The following ARHGEF37 variants were observed in gnomAD, a reference collection of about 807,000 sequenced individuals.
The protein encoded by ARHGEF37 is Rho guanine nucleotide exchange factor (GEF) 37.
A neutral mutation model predicts 71.1 loss-of-function variants in ARHGEF37; 55 were observed. The observed-to-expected ratio is 0.77, with a 90% CI of 0.62 to 0.97. The LOEUF is 0.97. Ranked by LOEUF, ARHGEF37 falls within the 50% of genes least tolerant of loss-of-function variation. ARHGEF37 has a pLI of 0.00. For missense variants in ARHGEF37, 765 were observed against 836.8 expected, an observed-to-expected ratio of 0.91 and a Z score of 1.06; for synonymous variants, 327 against 350.6, an observed-to-expected ratio of 0.93 and a Z score of 0.75.
At position 149,632,253 on chromosome 5, in the gene ARHGEF37, G is replaced by T; in HGVS notation, c.*62G>T. 2 of 1,566,102 alleles carry T rather than the reference G, an allele frequency of 1.3e-6. No homozygotes were observed. The highest frequency in any genetic ancestry group is 1.4e-5 in the African/African-American group (1 of 73,666). On this transcript the variant is annotated 3_prime_UTR_variant, in exon 13 of 13. Coordinates refer to ENST00000333677, the MANE Select transcript of ARHGEF37 (RefSeq NM_001001669.3). ...GGGAGGCTTAGAGGCTCTGACCCTG[G>T]GGGGAAAAGAAGCAAAGGAAAGGTG...
chr5:149,567,790 C>T (rs368113263), intron 1 of ARHGEF37, among the ~76,000 whole-genome samples: 8 of 152,222 alleles, frequency 5.3e-5, no homozygotes, highest in African/African-American at 1.9e-4. Context: ...TTGTTTCAGG[C>T]CCTTCTTGTA....
At chr5:149,609,775 A>G (rs1391215670) in intron 4 of ARHGEF37, 80 bp downstream of exon 4, 4 of 1,574,446 alleles carry the variant, frequency 2.5e-6, no homozygotes, top group South Asian at 1.1e-5. Flanking sequence ...CCCCTTTTTC[A>G]TGCCATTCGT....
At chr5:149,618,887 G>C in intron 6 of ARHGEF37, 51 bp from the exon 7 acceptor site, 1 of 1,462,076 alleles carries the variant, frequency 6.8e-7, no homozygotes, top group South Asian at 1.1e-5. Context: ...TGAAGCCGGT[G>C]TACACTGCCC....
intron 2 of ARHGEF37, among the ~76,000 whole-genome samples, chr5:149,598,417 T>C (rs13181783): frequency 6.7e-6 from 1 of 149,030 alleles, no homozygotes; most frequent in Non-Finnish European, 1.5e-5. Flanking sequence ...CCTCTTCTCC[T>C]TCTTCTCCTT....
At chr5:149,573,700 A>T (rs936671780) in intron 1 of ARHGEF37, among the ~76,000 whole-genome samples, 1 of 152,202 alleles carries the variant, frequency 6.6e-6, no homozygotes, top group Non-Finnish European at 1.5e-5. Flanking sequence ...TCCCCAGAAC[A>T]GTGCCTGCTT....
intron 12 of ARHGEF37, among the ~76,000 whole-genome samples, chr5:149,631,135 T>C (rs577324359): frequency 1.0e-4 from 15 of 148,430 alleles, no homozygotes; most frequent in East Asian, 4.1e-4. Flanking sequence ...TTTCTTTCTT[T>C]CTTCCTTCCT....
intron 3 of ARHGEF37, among the ~76,000 whole-genome samples, chr5:149,601,644 A>G (rs568449759): frequency 1.1e-4 from 17 of 152,350 alleles, no homozygotes; most frequent in Middle Eastern, 6.8e-3. Context: ...ATAGACAAAC[A>G]ACAGAATTGT....
chr5:149,553,011 T>G (rs957415521), intron 1 of ARHGEF37, among the ~76,000 whole-genome samples: 4 of 152,090 alleles, frequency 2.6e-5, no homozygotes, highest in African/African-American at 9.7e-5. Flanking sequence ...ACACTCAGGG[T>G]GCCCAACTCC....
At position 149,618,260 on chromosome 5, in the gene ARHGEF37, C is replaced by G; in HGVS notation, c.743C>G (p.Thr248Ser). ...INTHTLSKKTTRLSQLLKQEA... is the reference protein window; with the variant it reads ...INTHTLSKKTSRLSQLLKQEA... ...ACACACACCCTCTCCAAGAAGACCA[C>G]CCGGCTGAGCCAGCTGCTGAAGCAG... is the stretch of plus-strand genomic sequence containing the variant. Residue 248 changes from threonine (T) to serine (S), a missense_variant, in exon 6 of 13, where the codon ACC (threonine) becomes AGC (serine). Around this residue, in one of 5 missense-constraint regions of ARHGEF37, gnomAD observed 167 missense variants for 173.3 expected, o/e 0.96. Transcript: ENST00000333677. The G allele has an allele frequency of 6.2e-7, 1 of 1,614,216 alleles. No homozygotes were observed. The highest frequency in any genetic ancestry group is 8.5e-7 in the Non-Finnish European group (1 of 1,180,028).
intron 1 of ARHGEF37, among the ~76,000 whole-genome samples, chr5:149,593,849 G>T (rs1343315356): frequency 2.0e-5 from 3 of 152,158 alleles, no homozygotes; most frequent in African/African-American, 7.2e-5. Flanking sequence ...TGCTGTCTCA[G>T]GGGTGGCAGA....
At chr5:149,596,873 G>A (rs1307028875) in intron 1 of ARHGEF37, among the ~76,000 whole-genome samples, 1 of 152,160 alleles carries the variant, frequency 6.6e-6, no homozygotes, top group Non-Finnish European at 1.5e-5. Flanking sequence ...CTGTGAAGGG[G>A]AAATGAGGTT....
intron 4 of ARHGEF37, among the ~76,000 whole-genome samples, chr5:149,612,374 A>G (rs1752221919): frequency 6.6e-6 from 1 of 152,272 alleles, no homozygotes; most frequent in South Asian, 2.1e-4. Context: ...TCACCGTGTT[A>G]GCCAGGATGG....
In ARHGEF37 at chr5:149,614,029, G is replaced by A. The variant is rs571340135; in HGVS notation, c.459-2538G>A. ...TCTGCCCACCTTGGCTTCCCAAAGGGCTAGGATTACAAGCATGAGCCACTG... is the reference window on the plus strand; with the variant it reads ...TCTGCCCACCTTGGCTTCCCAAAGGACTAGGATTACAAGCATGAGCCACTG... On this transcript the variant is annotated intron_variant, in intron 4 of 12. Transcript: ENST00000333677. Among the ~76,000 whole-genome samples, 4 of 151,844 alleles carry A rather than the reference G, an allele frequency of 2.6e-5. No individual in the cohort carries two copies. In the South Asian group the frequency reaches 8.4e-4, roughly 32 times the overall value.
At position 149,597,783 on chromosome 5, in the gene ARHGEF37, G is replaced by A. The variant is rs371112677; in HGVS notation, c.14G>A (p.Gly5Glu). The A allele has an allele frequency of 9.6e-6, 15 of 1,563,158 alleles. No homozygotes were observed. The African/African-American group carries it at 2.1e-4, about 22-fold the overall frequency. The change falls in exon 2 of 13, where the codon GGA becomes GAA. Residue 5 changes from glycine to glutamate, a missense_variant. Around this residue, in one of 5 missense-constraint regions of ARHGEF37, gnomAD observed 201 missense variants for 217.5 expected, o/e 0.92. Transcript: ENST00000333677. The stretch of plus-strand genomic sequence containing the variant: ...GAACCTGCTGACATGGCCAAGCATG[G>A]AGCCGACGAGCCATCCTCCAGGTCA... MAKH[G>E]ADEPSSRSGS...
At chr5:149,572,715 C>T (rs888705069) in intron 1 of ARHGEF37, among the ~76,000 whole-genome samples, 1 of 152,116 alleles carries the variant, frequency 6.6e-6, no homozygotes, top group Admixed American at 6.5e-5. Context: ...GTGGGTAGGC[C>T]TTATCCAATC....
intron 1 of ARHGEF37, among the ~76,000 whole-genome samples, chr5:149,583,310 G>A (rs1011226009): frequency 6.6e-6 from 1 of 152,088 alleles, no homozygotes; most frequent in African/African-American, 2.4e-5. Context: ...TTAATTTTTT[G>A]TATTTTAGTA....
At chr5:149,572,776 A>G (rs1402505200) in intron 1 of ARHGEF37, among the ~76,000 whole-genome samples, 2 of 152,196 alleles carry the variant, frequency 1.3e-5, no homozygotes, top group Non-Finnish European at 2.9e-5. Context: ...GCAAGAAGGA[A>G]TTCTGCCAAA....
intron 4 of ARHGEF37, among the ~76,000 whole-genome samples, chr5:149,614,492 T>C (rs1752317447): frequency 6.6e-6 from 1 of 152,198 alleles, no homozygotes; most frequent in African/African-American, 2.4e-5. Flanking sequence ...CCCTCATTCT[T>C]TGGTAATTCC....
At chr5:149,598,822 G>A (rs1563625) in intron 2 of ARHGEF37, among the ~76,000 whole-genome samples, 53,830 of 147,314 alleles carry the variant, frequency 0.37, 12,446 homozygotes, top group East Asian at 0.66. Context: ...GTGTGTGTGT[G>A]TATATATATA....
Sources: allele counts gnomAD v4.1 joint callset (sites outside exome capture counted in the v4.1 genomes callset), GRCh38; gene constraint gnomAD v4.1.1; regional missense constraint gnomAD v4.1.1; transcripts MANE v1.5; gene names NCBI Gene and HGNC (gene_info 2026-07-23, HGNC 2026-07-21).